Variants in S100Z observed in about 807,000 individuals in gnomAD.
The protein encoded by S100Z is S100 calcium binding protein Z, also known as protein S100-Z.
A neutral mutation model predicts 8.5 loss-of-function variants in S100Z; 11 were observed. The ratio of observed to expected loss-of-function variants is 1.30; its 90% CI spans 0.82 to 2.15. The LOEUF is 2.15. Ranked by LOEUF, S100Z falls within the 30% of genes most tolerant of loss-of-function variation. S100Z has a pLI of 0.00. For synonymous variants in S100Z, 34 were observed against 43.8 expected (o/e 0.78, Z 0.89); for missense variants, 126 against 117.9 (o/e 1.07, Z -0.32).
At chr5:76,856,429 ACCT>A (rs1750883841) in intron 1 of S100Z, among the ~76,000 whole-genome samples, 1 of 152,150 alleles carries the variant, frequency 6.6e-6, no homozygotes, top group African/African-American at 2.4e-5. Flanking sequence ...CAAACTCCTG[ACCT>A]CAGGCGATCC....
intron 4 of S100Z, among the ~76,000 whole-genome samples, chr5:76,915,710 G>C (rs1166930071): frequency 1.3e-5 from 2 of 151,976 alleles, no homozygotes; most frequent in African/African-American, 4.8e-5. Context: ...AAATGTAAAT[G>C]GTTTAACTAT....
chr5:76,894,446 C>T (rs1247858865), intron 4 of S100Z, among the ~76,000 whole-genome samples: 1 of 152,132 alleles, frequency 6.6e-6, no homozygotes, highest in Non-Finnish European at 1.5e-5. Flanking sequence ...ATAAATCTCT[C>T]CAAAACATGT....
At chr5:76,896,030 C>T (rs929524655) in intron 4 of S100Z, among the ~76,000 whole-genome samples, 14 of 151,880 alleles carry the variant, frequency 9.2e-5, no homozygotes, top group African/African-American at 9.7e-5. Context: ...CTTAAGGTGA[C>T]GGATTACAGG....
At chr5:76,883,430 C>T (rs939210214) in intron 4 of S100Z, among the ~76,000 whole-genome samples, 1 of 152,106 alleles carries the variant, frequency 6.6e-6, no homozygotes, top group African/African-American at 2.4e-5. Flanking sequence ...AAGTTGGCAC[C>T]AGAGTTGGGG....
At chr5:76,877,991 C>G in intron 4 of S100Z, 157 bp downstream of exon 4, 1 of 451,882 alleles carries the variant, frequency 2.2e-6, no homozygotes, top group Non-Finnish European at 3.9e-6. Flanking sequence ...AATTATGTGC[C>G]CCTTAAAATA....
intron 4 of S100Z, among the ~76,000 whole-genome samples, chr5:76,878,451 T>C (rs1743277813): frequency 6.6e-6 from 1 of 152,208 alleles, no homozygotes; most frequent in Non-Finnish European, 1.5e-5. Context: ...TGTTTGACAC[T>C]ATTTCCCACT....
the S100Z span, among the ~76,000 whole-genome samples, chr5:76,931,364 C>A: frequency 6.6e-5 from 10 of 152,166 alleles, no homozygotes; most frequent in African/African-American, 2.4e-4. Flanking sequence ...CAACCCACTT[C>A]AGCCTCCCGA....
At chr5:76,928,774 T>G in the S100Z span, among the ~76,000 whole-genome samples, 1 of 152,244 alleles carries the variant, frequency 6.6e-6, no homozygotes, top group Non-Finnish European at 1.5e-5. Flanking sequence ...TGGGTCTCAC[T>G]CTGTCGCCCA....
chr5:76,945,801 C>T, the S100Z span, among the ~76,000 whole-genome samples: 10 of 152,180 alleles, frequency 6.6e-5, no homozygotes, highest in Non-Finnish European at 1.0e-4. Context: ...AGACCGGTGC[C>T]GGTGCTGGTC....
Position 76,886,638 on chromosome 5 carries a change from A to G in S100Z, c.*2+8804A>G, listed in dbSNP as rs111755660. On this transcript the variant is annotated intron_variant, in intron 4 of 4. Coordinates refer to ENST00000317593, the MANE Select transcript of S100Z (RefSeq NM_130772.4). ...CCACCAAACAGGCTTTGTGTGAGCA[A>G]CAAGGCTGTTTATATTACCTGGGTG... 1.9e-3 allele frequency among the ~76,000 whole-genome samples: 286 copies of G among 152,314 alleles called. 2 individuals are homozygous for G. Among genetic ancestry groups the G allele is most frequent in the African/African-American group, 6.5e-3 (270 of 41,570 alleles).
At chr5:76,868,829 G>T (rs1184634195) in intron 1 of S100Z, among the ~76,000 whole-genome samples, 1 of 151,952 alleles carries the variant, frequency 6.6e-6, no homozygotes, top group African/African-American at 2.4e-5. Flanking sequence ...TCACCGTTTT[G>T]GTCAGGCTGG....
intron 1 of S100Z, among the ~76,000 whole-genome samples, chr5:76,866,707 G>A (rs146291588): frequency 1.0e-3 from 154 of 152,318 alleles, no homozygotes; most frequent in African/African-American, 3.4e-3. Flanking sequence ...GGAGCAATAG[G>A]CTATGCCATA....
chr5:76,877,584 G>C, intron 3 of S100Z, 90 bp from the exon 4 acceptor site: 1 of 810,008 alleles, frequency 1.2e-6, no homozygotes, highest in Non-Finnish European at 2.0e-6. Context: ...ATGGAAATTA[G>C]GAATTTAATG....
intron 4 of S100Z, among the ~76,000 whole-genome samples, chr5:76,905,573 C>T (rs747541462): frequency 1.3e-5 from 2 of 151,894 alleles, no homozygotes; most frequent in Non-Finnish European, 2.9e-5. Flanking sequence ...CCACCACGCC[C>T]GTCTAATTTT....
At chr5:76,884,989 G>A (rs1356971553) in intron 4 of S100Z, among the ~76,000 whole-genome samples, 5 of 152,170 alleles carry the variant, frequency 3.3e-5, no homozygotes, top group East Asian at 1.9e-4. Flanking sequence ...ATGCCTGGAC[G>A]TCAGGCACCT....
chr5:76,951,306 T>G, the S100Z span, among the ~76,000 whole-genome samples: 1 of 152,212 alleles, frequency 6.6e-6, no homozygotes, highest in Non-Finnish European at 1.5e-5. Context: ...TGCACGTGCA[T>G]GCGTGCATGT....
chr5:76,876,727 C>T (rs1009015903), intron 3 of S100Z, among the ~76,000 whole-genome samples: 4 of 152,138 alleles, frequency 2.6e-5, no homozygotes, highest in East Asian at 1.9e-4. Context: ...GGTCAAACTT[C>T]GCACATTTAT....
intron 1 of S100Z, among the ~76,000 whole-genome samples, chr5:76,850,573 C>T (rs1750699751): frequency 6.6e-6 from 1 of 152,170 alleles, no homozygotes; most frequent in Admixed American, 6.5e-5. Context: ...TAGATCCACG[C>T]CGTGATTTCG....
chr5:76,882,337 T>C (rs928161495), intron 4 of S100Z, among the ~76,000 whole-genome samples: 1 of 152,142 alleles, frequency 6.6e-6, no homozygotes, highest in Admixed American at 6.5e-5. Flanking sequence ...TCCCAGCTCT[T>C]GTGTAAAAAT....
Sources: allele counts gnomAD v4.1 joint callset (sites outside exome capture counted in the v4.1 genomes callset), GRCh38; gene constraint gnomAD v4.1.1; transcripts MANE v1.5; gene names NCBI Gene and HGNC (gene_info 2026-07-23, HGNC 2026-07-21).